The following LRRC37A3 variants were observed in gnomAD, a reference collection of about 807,000 sequenced individuals.
The protein encoded by LRRC37A3 is leucine rich repeat containing 37 member A3.
LRRC37A3 carries 25 observed loss-of-function variants against 106.2 expected under a neutral mutation model. That is an observed-to-expected ratio of 0.24 (90% confidence interval 0.17 to 0.33). The LOEUF (loss-of-function observed/expected upper bound fraction) is 0.33. Among genes scored for constraint, LRRC37A3 ranks in the 10% least tolerant of loss-of-function variants. LRRC37A3 has a pLI of 1.00. For synonymous variants in LRRC37A3, 305 were observed against 635.8 expected, an observed-to-expected ratio of 0.48 and a Z score of 7.83; for missense variants, 712 against 1,644.9, an observed-to-expected ratio of 0.43 and a Z score of 9.81.
At position 64,860,028 on chromosome 17, in the gene LRRC37A3, A is replaced by C. The variant is rs780876674; in HGVS notation, c.4118T>G (p.Leu1373Arg). Reference protein sequence around the residue: ...RDLSPQENPFLEVSAPSEHFI... With the variant: ...RDLSPQENPFREVSAPSEHFI... ...ATGTTCTGAAGGAGCAGATACTTCCAGAAAAGGATTTTCTTGAGGACTCAG... is the reference window on the plus strand; with the variant it reads ...ATGTTCTGAAGGAGCAGATACTTCCCGAAAAGGATTTTCTTGAGGACTCAG... Residue 1373 changes from leucine (L) to arginine (R), a missense_variant, in exon 12 of 15, where the codon CTG becomes CGG. Coordinates refer to ENST00000584306, the MANE Select transcript of LRRC37A3 (RefSeq NM_199340.5). 11 of 1,613,848 alleles carry C rather than the reference A, an allele frequency of 6.8e-6. No homozygotes were observed. Among genetic ancestry groups the C allele is most frequent in the Middle Eastern group, 1.6e-4 (1 of 6,076 alleles).
intron 8 of LRRC37A3, among the ~76,000 whole-genome samples, chr17:64,884,330 T>C (rs1015541117): frequency 4.0e-5 from 6 of 151,480 alleles, no homozygotes; most frequent in Admixed American, 2.0e-4. Flanking sequence ...TGAAGCTGGC[T>C]AGATGATGAC....
At chr17:64,865,745 A>G (rs1973046106) in intron 10 of LRRC37A3, among the ~76,000 whole-genome samples, 1 of 152,210 alleles carries the variant, frequency 6.6e-6, no homozygotes, top group Non-Finnish European at 1.5e-5. Flanking sequence ...TCATCACTCA[A>G]TGGAACTTCA....
chr17:64,882,406 A>G (rs1250362380), intron 8 of LRRC37A3, among the ~76,000 whole-genome samples: 1 of 152,108 alleles, frequency 6.6e-6, no homozygotes, highest in African/African-American at 2.4e-5. Flanking sequence ...TGCAGCTGAG[A>G]GAAGAAAAGT....
At chr17:64,910,079 C>T (rs1416824425) in intron 2 of LRRC37A3, 1 of 152,274 alleles carries the variant, frequency 6.6e-6, no homozygotes, top group Admixed American at 6.5e-5. Context: ...CTGGATGAAC[C>T]GGTCAACGGC....
chr17:64,905,032 T>TG (rs1441943736), intron 2 of LRRC37A3, among the ~76,000 whole-genome samples: 9 of 150,956 alleles, frequency 6.0e-5, no homozygotes, highest in Middle Eastern at 3.4e-3. Flanking sequence ...AATAAATCAA[T>TG]TTATTAAATA....
chr17:64,860,354 G>T lies in LRRC37A3; in HGVS notation c.3792C>A (p.Ala1264=). The T allele has an allele frequency of 1.2e-6, 2 of 1,613,952 alleles. No homozygotes were observed. The highest frequency in any genetic ancestry group is 1.7e-6 in the Non-Finnish European group (2 of 1,179,868). The part of the protein sequence containing the change: ...GAPSTSSPAK[A]LPQVRDRWKD... ...TCCATCTGTCTCTCACCTGTGGTAG[G>T]GCTTTTGCAGGGCTGGAGGTAGAAG... Residue 1264 remains alanine (A), a synonymous_variant, in exon 12 of 15, where the codon GCC becomes GCA. Transcript: ENST00000584306.
At chr17:64,871,993 G>T (rs1236974492) in intron 8 of LRRC37A3, among the ~76,000 whole-genome samples, 1 of 151,442 alleles carries the variant, frequency 6.6e-6, no homozygotes, top group South Asian at 2.1e-4. Context: ...TTAGCTGGGC[G>T]TGGTGGCAGG....
At chr17:64,882,489 C>G (rs935014710) in intron 8 of LRRC37A3, among the ~76,000 whole-genome samples, 1 of 152,174 alleles carries the variant, frequency 6.6e-6, no homozygotes, top group African/African-American at 2.4e-5. Context: ...CCTAAATCAC[C>G]CCAAAGGACA....
At chr17:64,917,211 A>G (rs1974724209) in intron 2 of LRRC37A3, among the ~76,000 whole-genome samples, 1 of 136,720 alleles carries the variant, frequency 7.3e-6, no homozygotes, top group Non-Finnish European at 1.5e-5. Context: ...GCGCCACTGC[A>G]CTCCAGCCTG....
chr17:64,863,036 G>C lies in LRRC37A3; in HGVS notation c.3054-18C>G, dbSNP rs537090582. 6.3e-7 allele frequency: 1 copy of C among 1,597,606 alleles called. No homozygotes were observed. The highest frequency in any genetic ancestry group is 1.7e-5 in the Admixed American group (1 of 60,006). ...GTACGATCCTATAGATGAAAACAGA[G>C]AGCAATAAATTAGCGGTAAAGCGGT... On this transcript the variant is annotated intron_variant, in intron 10 of 14. Coordinates refer to ENST00000584306, the MANE Select transcript of LRRC37A3 (RefSeq NM_199340.5).
intron 12 of LRRC37A3, 55 bp downstream of exon 12, chr17:64,859,387 T>C: frequency 4.6e-6 from 6 of 1,308,304 alleles, no homozygotes; most frequent in Non-Finnish European, 6.5e-6. Flanking sequence ...GGCACTTTCC[T>C]GGGATATGCT....
intron 13 of LRRC37A3, among the ~76,000 whole-genome samples, chr17:64,857,321 C>T (rs1465486890): frequency 6.6e-6 from 1 of 152,112 alleles, no homozygotes; most frequent in Non-Finnish European, 1.5e-5. Context: ...TTTTATCTAA[C>T]AAAAGATGTG....
At chr17:64,879,290 A>G (rs1033637211) in intron 8 of LRRC37A3, among the ~76,000 whole-genome samples, 25 of 152,104 alleles carry the variant, frequency 1.6e-4, no homozygotes, top group Non-Finnish European at 3.1e-4. Context: ...ACTAACCACC[A>G]CTGAATTGTA....
In LRRC37A3 at chr17:64,859,459, T is replaced by C. The variant is rs1395442792; in HGVS notation, c.4687A>G (p.Lys1563Glu). The C allele has an allele frequency of 1.2e-6, 2 of 1,607,884 alleles. No homozygotes were observed. The highest frequency in any genetic ancestry group is 2.7e-5 in the African/African-American group (2 of 74,058). ...GTCCTCACCTCAAGCGACTTCTCTT[T>C]CTGTTCACTCTGGGCTTCTGTGCTC... ...NESTEAQSEQKEKSLEFTKEL... is the reference protein window; with the variant it reads ...NESTEAQSEQEEKSLEFTKEL... The change falls in exon 12 of 15, where the codon AAA becomes GAA. Residue 1563 changes from lysine (K) to glutamate (E), a missense_variant. Transcript: ENST00000584306.
rs369687044 is a variant in LRRC37A3 at position 64,859,696 on chromosome 17, C to T, written c.4450G>A (p.Val1484Ile). The T allele has an allele frequency of 5.4e-5, 87 of 1,613,602 alleles. No individual in the cohort carries two copies. Among genetic ancestry groups the T allele is most frequent in the Middle Eastern group, 1.7e-4 (1 of 6,008 alleles). The part of the protein sequence containing the change: ...EIQLTQQLQS[V>I]IPNNNVRRLI... Reference sequence around the variant, plus strand: ...CTTCTCACATTGTTGTTGGGGATAACGGACTGCAGCTGCTGGGTTAGCTGA... The same window carrying T: ...CTTCTCACATTGTTGTTGGGGATAATGGACTGCAGCTGCTGGGTTAGCTGA... Residue 1484 changes from valine (V) to isoleucine (I), a missense_variant, in exon 12 of 15, where the codon GTT becomes ATT. Coordinates refer to ENST00000584306, the MANE Select transcript of LRRC37A3 (RefSeq NM_199340.5).
chr17:64,865,203 G>A (rs1973020542), intron 10 of LRRC37A3, among the ~76,000 whole-genome samples: 2 of 152,150 alleles, frequency 1.3e-5, no homozygotes, highest in African/African-American at 2.4e-5. Flanking sequence ...GAGTGCAGTG[G>A]TGCAATCTTG....
intron 1 of LRRC37A3, among the ~76,000 whole-genome samples, chr17:64,919,186 G>A (rs1251245405): frequency 1.3e-5 from 2 of 151,740 alleles, no homozygotes; most frequent in East Asian, 1.9e-4. Context: ...GGCGGCGGCG[G>A]CGGGGCCGGG....
At chr17:64,910,556 G>A (rs1287271014) in intron 2 of LRRC37A3, among the ~76,000 whole-genome samples, 1 of 147,598 alleles carries the variant, frequency 6.8e-6, no homozygotes, top group Admixed American at 6.8e-5. Flanking sequence ...TGACTCCTAC[G>A]TTTTCAGACT....
In LRRC37A3 at chr17:64,860,947, C is replaced by T. The variant is rs1598392235; in HGVS notation, c.3199G>A (p.Glu1067Lys). 6.2e-7 allele frequency: 1 copy of T among 1,613,994 alleles called. No homozygotes were observed. The highest frequency in any genetic ancestry group is 2.2e-5 in the East Asian group (1 of 44,874). ...CPEEASVGNP[E>K]GAFMKVLQAR... ...TGTAACACCTTCATGAACGCTCCTT[C>T]TGGATTCCCTACAGATGCTTCTTCA... is the stretch of plus-strand genomic sequence containing the variant. The change falls in exon 12 of 15, where the codon GAA (glutamate) becomes AAA (lysine). Residue 1067 changes from glutamate (E) to lysine (K), a missense_variant. Physicochemically the swap from Glu to Lys is moderately conservative, Grantham distance 56. Transcript: ENST00000584306.
Sources: gnomAD v4.1 joint callset for allele counts (sites outside exome capture counted in the v4.1 genomes callset) on GRCh38, gnomAD v4.1.1 for gene constraint, MANE v1.5 for transcripts, NCBI Gene and HGNC (gene_info 2026-07-23, HGNC 2026-07-21) for gene names.